FGGY: variants seen among roughly 807,000 people sequenced by gnomAD.
FGGY encodes the protein FGGY carbohydrate kinase domain-containing protein.
FGGY carries 72 observed loss-of-function variants against 71.3 expected under a neutral mutation model. The ratio of observed to expected loss-of-function variants is 1.01; its 90% CI spans 0.84 to 1.23. The LOEUF (loss-of-function observed/expected upper bound fraction) is 1.23. Ranked by LOEUF, FGGY falls within the 50% of genes most tolerant of loss-of-function variation. FGGY has a pLI of 0.00. For synonymous variants in FGGY, 251 were observed against 250.3 expected (o/e 1.00, Z -0.02); for missense variants, 668 against 682.3 (o/e 0.98, Z 0.23).
At chr1:59,303,355 A>T (rs1275725050) in intron 1 of FGGY, among the ~76,000 whole-genome samples, 1 of 152,078 alleles carries the variant, frequency 6.6e-6, no homozygotes, top group Non-Finnish European at 1.5e-5. Context: ...AATATCATGC[A>T]GTGTTTGTCT....
intron 5 of FGGY, among the ~76,000 whole-genome samples, chr1:59,415,626 C>T (rs1161284435): frequency 1.3e-5 from 2 of 152,206 alleles, no homozygotes; most frequent in Admixed American, 1.3e-4. Flanking sequence ...TGCTTCTCCT[C>T]TGAGCTCCTG....
intron 8 of FGGY, among the ~76,000 whole-genome samples, chr1:59,568,464 C>CGG (rs56724590): frequency 0.039 from 2,336 of 59,148 alleles, 18 homozygotes; most frequent in African/African-American, 0.056. Context: ...GTCGGGGGGG[C>CGG]GGGGGGGGGT....
intron 8 of FGGY, among the ~76,000 whole-genome samples, chr1:59,587,052 G>A (rs565420833): frequency 2.0e-5 from 3 of 152,372 alleles, no homozygotes; most frequent in Non-Finnish European, 2.9e-5. Context: ...AAAGAAAGGG[G>A]TGACAGATGG....
intron 7 of FGGY, among the ~76,000 whole-genome samples, chr1:59,552,504 C>A (rs1039787075): frequency 6.6e-6 from 1 of 152,164 alleles, no homozygotes; most frequent in Non-Finnish European, 1.5e-5. Context: ...GGAAAACCCT[C>A]GAAAGCTGTA....
chr1:59,713,945 G>A lies in FGGY; in HGVS notation c.1512+39812G>A, dbSNP rs74087816. Among the ~76,000 whole-genome samples the A allele has an allele frequency of 2.7e-3, 411 of 152,300 alleles. 2 individuals carry two copies. The highest frequency in any genetic ancestry group is 9.5e-3 in the African/African-American group (393 of 41,558). On this transcript the variant is annotated intron_variant, in intron 14 of 15. Transcript: ENST00000303721. ...TCAGAAGAAGCAACACAGAATAGAG[G>A]CATTAAAATCAAAATTTGAAGTCTG... is the stretch of plus-strand genomic sequence containing the variant.
At chr1:59,314,324 A>G (rs1012506202) in intron 1 of FGGY, among the ~76,000 whole-genome samples, 2 of 152,126 alleles carry the variant, frequency 1.3e-5, no homozygotes, top group Non-Finnish European at 2.9e-5. Flanking sequence ...GTTGGAGGTG[A>G]AGGTTGATTT....
chr1:59,596,207 A>C (rs1197689067), intron 8 of FGGY, among the ~76,000 whole-genome samples: 2 of 151,812 alleles, frequency 1.3e-5, no homozygotes, highest in East Asian at 3.9e-4. Context: ...TTTTTTTTTT[A>C]ACATGAGGCT....
chr1:59,572,144 G>C (rs899765348), intron 8 of FGGY, among the ~76,000 whole-genome samples: 1 of 152,182 alleles, frequency 6.6e-6, no homozygotes, highest in Non-Finnish European at 1.5e-5. Context: ...TGATATGTAA[G>C]TGCTAGAAAG....
At chr1:59,436,715 C>T (rs1315404588) in intron 5 of FGGY, among the ~76,000 whole-genome samples, 1 of 152,194 alleles carries the variant, frequency 6.6e-6, no homozygotes, top group Non-Finnish European at 1.5e-5. Flanking sequence ...CAACACTTCT[C>T]TTTGTAGATC....
chr1:59,508,478 A>G (rs1356830724), intron 6 of FGGY, among the ~76,000 whole-genome samples: 1 of 152,236 alleles, frequency 6.6e-6, no homozygotes, highest in Non-Finnish European at 1.5e-5. Flanking sequence ...ATTTAATTTT[A>G]TGGTGAAAGA....
chr1:59,469,831 A>G (rs11207459), intron 6 of FGGY, among the ~76,000 whole-genome samples: 55,569 of 151,976 alleles, frequency 0.37, 10,860 homozygotes, highest in Middle Eastern at 0.49. Context: ...TTCCCACTTA[A>G]AAGTGAGAAC....
At chr1:59,450,154 A>T (rs551851281) in intron 5 of FGGY, among the ~76,000 whole-genome samples, 1 of 152,208 alleles carries the variant, frequency 6.6e-6, no homozygotes, top group Admixed American at 6.5e-5. Flanking sequence ...TATTCTCCAG[A>T]TTACTTAAAT....
At chr1:59,386,938 A>G (rs987148308) in intron 5 of FGGY, among the ~76,000 whole-genome samples, 6 of 152,110 alleles carry the variant, frequency 3.9e-5, no homozygotes, top group African/African-American at 1.4e-4. Context: ...CTCCATTATA[A>G]TGTATAATTC....
chr1:59,395,065 T>C (rs1487755205), intron 5 of FGGY, among the ~76,000 whole-genome samples: 3 of 152,118 alleles, frequency 2.0e-5, no homozygotes, highest in Non-Finnish European at 4.4e-5. Flanking sequence ...ACAGACTCTT[T>C]TGGGCAGTTA....
chr1:59,669,792 G>C (rs1157338795), intron 13 of FGGY, among the ~76,000 whole-genome samples: 1 of 152,122 alleles, frequency 6.6e-6, no homozygotes, highest in Non-Finnish European at 1.5e-5. Flanking sequence ...TAGAAAATGG[G>C]AAACAGGGCC....
chr1:59,661,265 C>T (rs1475755296), intron 12 of FGGY, among the ~76,000 whole-genome samples: 1 of 152,094 alleles, frequency 6.6e-6, no homozygotes, highest in East Asian at 1.9e-4. Flanking sequence ...AACAGAAGTG[C>T]TTTTTTAATG....
At chr1:59,683,901 A>G (rs1215433170) in intron 14 of FGGY, among the ~76,000 whole-genome samples, 1 of 152,216 alleles carries the variant, frequency 6.6e-6, no homozygotes, top group Non-Finnish European at 1.5e-5. Context: ...GCCCCCATTA[A>G]TGCACCTTTT....
intron 4 of FGGY, 31 bp downstream of exon 4, chr1:59,346,429 A>G (rs2051925683): frequency 6.2e-7 from 1 of 1,608,584 alleles, no homozygotes; most frequent in Admixed American, 1.7e-5. Flanking sequence ...AGAAGATACC[A>G]ACAATAGTAG....
chr1:59,477,563 TGTG>T (rs2093317616), intron 6 of FGGY, among the ~76,000 whole-genome samples: 1 of 152,176 alleles, frequency 6.6e-6, no homozygotes, highest in Admixed American at 6.5e-5. Context: ...CATCTGTTCT[TGTG>T]GTGAGGAGAA....
Sources: allele counts gnomAD v4.1 joint callset (sites outside exome capture counted in the v4.1 genomes callset), GRCh38; gene constraint gnomAD v4.1.1; transcripts MANE v1.5; gene names NCBI Gene and HGNC (gene_info 2026-07-23, HGNC 2026-07-21).